MCPH1: variants seen among roughly 807,000 people sequenced by gnomAD.
The protein encoded by MCPH1 is microcephalin 1, also known as microcephalin.
In MCPH1, 104 loss-of-function variants were observed where a neutral mutation model predicts 84.5. The observed-to-expected ratio is 1.23, with a 90% CI of 1.05 to 1.45. The LOEUF is 1.45. Ranked by LOEUF, MCPH1 falls within the 40% of genes most tolerant of loss-of-function variation. The pLI is 0.00. For missense variants in MCPH1, 1,498 were observed against 1,005.7 expected, an observed-to-expected ratio of 1.49 and a Z score of -6.62; for synonymous variants, 514 against 366.8, an observed-to-expected ratio of 1.40 and a Z score of -4.58.
rs757114172 is a variant in MCPH1, at chr8:6,409,480, A to G, written c.114+110A>G. The G allele has an allele frequency of 3.5e-5, 30 of 865,568 alleles. 1 individual carries two copies. Among genetic ancestry groups the G allele is most frequent in the Middle Eastern group, 3.1e-4 (1 of 3,276 alleles). The allele number at this position is 865,568 out of a possible 1,614,324, so 53.6% of individuals were successfully genotyped here. On this transcript the variant is annotated intron_variant, in intron 2 of 13. Coordinates refer to ENST00000344683, the MANE Select transcript of MCPH1 (RefSeq NM_024596.5). The stretch of plus-strand genomic sequence containing the variant: ...TTTTACTTAGAATCTGGACGAAGCA[A>G]TGGGTAAGCGGTGGGAGAAAAAAGA...
intron 6 of MCPH1, among the ~76,000 whole-genome samples, chr8:6,440,135 C>G (rs1404758798): frequency 6.6e-6 from 1 of 152,136 alleles, no homozygotes; most frequent in Non-Finnish European, 1.5e-5. Flanking sequence ...TCAAAGTAGT[C>G]TACAGTTTTG....
At chr8:6,628,940 G>C (rs561867782) in intron 13 of MCPH1, among the ~76,000 whole-genome samples, 10 of 152,300 alleles carry the variant, frequency 6.6e-5, no homozygotes, top group African/African-American at 2.4e-4. Flanking sequence ...CTGAACTTGT[G>C]TTTCTTTTTG....
intron 4 of MCPH1, among the ~76,000 whole-genome samples, chr8:6,435,390 T>C (rs1029246250): frequency 1.3e-5 from 2 of 152,118 alleles, no homozygotes; most frequent in African/African-American, 4.8e-5. Flanking sequence ...AACTCTCAAA[T>C]CCGCCTCCCT....
chr8:6,538,479 T>G (rs1820912568), intron 12 of MCPH1, among the ~76,000 whole-genome samples: 1 of 152,180 alleles, frequency 6.6e-6, no homozygotes, highest in African/African-American at 2.4e-5. Flanking sequence ...TCCAGATTCC[T>G]TCTTTTTAAG....
At chr8:6,529,823 A>G (rs930509603) in intron 12 of MCPH1, among the ~76,000 whole-genome samples, 7 of 150,868 alleles carry the variant, frequency 4.6e-5, no homozygotes, top group South Asian at 4.2e-4. Flanking sequence ...CTTACTTTCC[A>G]TCTGTTTTCT....
At chr8:6,583,281 T>A (rs1361717567) in intron 12 of MCPH1, among the ~76,000 whole-genome samples, 3 of 152,170 alleles carry the variant, frequency 2.0e-5, no homozygotes, top group Non-Finnish European at 2.9e-5. Context: ...ACGAGATACA[T>A]GTGCAGAACG....
intron 12 of MCPH1, among the ~76,000 whole-genome samples, chr8:6,584,967 G>T (rs1199623076): frequency 6.6e-6 from 1 of 152,156 alleles, no homozygotes. Context: ...AGTCGAATTG[G>T]CAATTTTGAT....
intron 8 of MCPH1, chr8:6,446,570 T>G: frequency 1.0e-6 from 1 of 982,454 alleles, no homozygotes; most frequent in Non-Finnish European, 1.2e-6. Flanking sequence ...AAACTGTATT[T>G]TATGTTCCAT....
At chr8:6,608,394 C>G (rs998532255) in intron 12 of MCPH1, among the ~76,000 whole-genome samples, 1 of 152,192 alleles carries the variant, frequency 6.6e-6, no homozygotes, top group Non-Finnish European at 1.5e-5. Context: ...TCATCTTTCA[C>G]TGGGTGTCTT....
chr8:6,547,022 C>T (rs1438231194), intron 12 of MCPH1, among the ~76,000 whole-genome samples: 5 of 152,148 alleles, frequency 3.3e-5, no homozygotes, highest in Admixed American at 3.3e-4. Flanking sequence ...TCGGAAGAAG[C>T]GTTCTCAGAG....
chr8:6,439,509 C>T (rs62496811), intron 6 of MCPH1, among the ~76,000 whole-genome samples: 8 of 151,612 alleles, frequency 5.3e-5, no homozygotes, highest in Non-Finnish European at 7.4e-5. Context: ...CTCAGCCTCC[C>T]GAGTAGCTGG....
At chr8:6,579,833 G>C (rs1021326174) in intron 12 of MCPH1, among the ~76,000 whole-genome samples, 10 of 152,154 alleles carry the variant, frequency 6.6e-5, no homozygotes, top group African/African-American at 2.4e-4. Context: ...TGCAGAAGTG[G>C]AATTTATTGA....
chr8:6,623,815 G>T (rs1173983807), intron 13 of MCPH1, among the ~76,000 whole-genome samples: 1 of 151,482 alleles, frequency 6.6e-6, no homozygotes, highest in East Asian at 1.9e-4. Flanking sequence ...TTCTGAAACA[G>T]AGGTTGTTGT....
intron 11 of MCPH1, among the ~76,000 whole-genome samples, chr8:6,499,085 A>G (rs990728915): frequency 1.6e-5 from 2 of 128,400 alleles, no homozygotes; most frequent in African/African-American, 3.0e-5. Flanking sequence ...TAAATAAATA[A>G]ATAAATAAAT....
intron 12 of MCPH1, among the ~76,000 whole-genome samples, chr8:6,610,817 T>G (rs1335881236): frequency 6.6e-6 from 1 of 151,694 alleles, no homozygotes; most frequent in Non-Finnish European, 1.5e-5. Flanking sequence ...ACTAAGAACA[T>G]AAGACGCTGA....
chr8:6,623,013 CTTTTT>C (rs1164226735), intron 13 of MCPH1, among the ~76,000 whole-genome samples: 10 of 109,914 alleles, frequency 9.1e-5, no homozygotes, highest in African/African-American at 2.9e-4. Context: ...GCTTTACTTT[CTTTTT>C]TTTTTTTTTT....
intron 8 of MCPH1, among the ~76,000 whole-genome samples, chr8:6,453,076 G>A (rs1805267793): frequency 1.3e-5 from 2 of 152,196 alleles, no homozygotes; most frequent in East Asian, 1.9e-4. Flanking sequence ...GAAGGGAGCT[G>A]ATGACAACCC....
chr8:6,425,086 G>C (rs1267914234), intron 3 of MCPH1, among the ~76,000 whole-genome samples: 11 of 152,200 alleles, frequency 7.2e-5, no homozygotes, highest in Admixed American at 3.3e-4. Flanking sequence ...GGTAGAATGA[G>C]AGTCGGTGGT....
chr8:6,488,494 C>G (rs1306817705), intron 11 of MCPH1, among the ~76,000 whole-genome samples: 3 of 152,138 alleles, frequency 2.0e-5, no homozygotes, highest in Non-Finnish European at 4.4e-5. Context: ...CAACCACAGG[C>G]TTGATTAGAA....
Sources: gnomAD v4.1 joint callset for allele counts (sites outside exome capture counted in the v4.1 genomes callset) on GRCh38, gnomAD v4.1.1 for gene constraint, MANE v1.5 for transcripts, NCBI Gene and HGNC (gene_info 2026-07-23, HGNC 2026-07-21) for gene names.